The following SLC41A1 variants were observed in gnomAD, a reference collection of about 807,000 sequenced individuals.
SLC41A1 encodes solute carrier family 41 (magnesium transporter), member 1.
Under a neutral mutation model 47.3 loss-of-function variants are expected in SLC41A1, and 20 were observed. That is an observed-to-expected ratio of 0.42 (90% CI 0.30 to 0.61). The LOEUF (loss-of-function observed/expected upper bound fraction) is 0.61. SLC41A1 is among the 20% of genes least tolerant of loss of function. The pLI is 0.17. For synonymous variants in SLC41A1, 282 were observed against 272.7 expected, an observed-to-expected ratio of 1.03 and a Z score of -0.34; for missense variants, 504 against 674.1, an observed-to-expected ratio of 0.75 and a Z score of 2.79.
chr1:205,806,257 A>G (rs955408650), intron 2 of SLC41A1, among the ~76,000 whole-genome samples: 1 of 152,196 alleles, frequency 6.6e-6, no homozygotes, highest in Non-Finnish European at 1.5e-5. Context: ...GAAGCAGATA[A>G]GAGTGTCCCG....
chr1:205,801,361 G>C, intron 2 of SLC41A1: 1 of 386,654 alleles, frequency 2.6e-6, no homozygotes, highest in East Asian at 6.1e-5. Context: ...AGGGTAATGG[G>C]GACCCACACA....
At chr1:205,799,728 A>G (rs565516376) in intron 4 of SLC41A1, 31 bp downstream of exon 4, 2 of 1,612,104 alleles carry the variant, frequency 1.2e-6, no homozygotes, top group African/African-American at 1.3e-5. Flanking sequence ...GGGGAAGCTT[A>G]GCCCACCCTC....
Position 205,789,193 on chromosome 1 carries a change from CA to C in SLC41A1, c.*2339del, listed in dbSNP as rs1193349543. 12 of 152,302 alleles carry C rather than the reference CA, an allele frequency of 7.9e-5. No homozygotes were observed. Among genetic ancestry groups the C allele is most frequent in the East Asian group, 5.8e-4 (3 of 5,186 alleles). The allele number at this position is 152,302 out of a possible 1,614,324, so 9.4% of individuals were successfully genotyped here. A position where few individuals can be genotyped will look rare whatever the true frequency, so the allele number is the denominator to read the frequency against. ...AACTATAAATAATTCTCTTAAGACA[CA>C]GTTCTGTAACTTTTTAAGGATACGA... On this transcript the variant is annotated 3_prime_UTR_variant, in exon 11 of 11. Coordinates refer to ENST00000367137, the MANE Select transcript of SLC41A1 (RefSeq NM_173854.6).
At position 205,794,917 on chromosome 1, in the gene SLC41A1, G is replaced by T. The variant is rs1198966282; in HGVS notation, c.1309C>A (p.Leu437Ile). Residue 437 changes from leucine to isoleucine, a missense_variant, in exon 10 of 11, where the codon CTC becomes ATC. Physicochemically the swap from Leu to Ile is conservative, Grantham distance 5 (BLOSUM62 2). Coordinates refer to ENST00000367137, the MANE Select transcript of SLC41A1 (RefSeq NM_173854.6). The part of the protein sequence containing the change: ...ISCMQGGHTT[L>I]TLIFIIFYMT... ...TAGAAGATGATGAAGATGAGTGTGA[G>T]GGTGGTGTGCCCGCCCTGCATACAG... The T allele has an allele frequency of 6.2e-7, 1 of 1,614,090 alleles. No homozygotes were observed. Among genetic ancestry groups the T allele is most frequent in the Admixed American group, 1.7e-5 (1 of 60,020 alleles).
At chr1:205,797,111 C>G in intron 7 of SLC41A1, 108 bp from the exon 8 acceptor site, 1 of 971,736 alleles carries the variant, frequency 1.0e-6, no homozygotes, top group Non-Finnish European at 1.6e-6. Flanking sequence ...AAGGGAAGCA[C>G]CATGGCTCTC....
intron 1 of SLC41A1, among the ~76,000 whole-genome samples, chr1:205,811,875 G>A (rs1022206905): frequency 2.0e-5 from 3 of 152,210 alleles, no homozygotes; most frequent in African/African-American, 7.2e-5. Context: ...AGTTAGAAGG[G>A]ACAGAGCATA....
chr1:205,790,492 C>T lies in SLC41A1; in HGVS notation c.*1041G>A, dbSNP rs1453650321. The stretch of plus-strand genomic sequence containing the variant: ...AGCCAAGAAAGAGGAAAACTGACCT[C>T]TATGGCATGACAGAACGAGTAATTT... On this transcript the variant is annotated 3_prime_UTR_variant, in exon 11 of 11. Transcript: ENST00000367137. 1 of 152,220 alleles carries T rather than the reference C, an allele frequency of 6.6e-6. No homozygotes were observed. Among genetic ancestry groups the T allele is most frequent in the East Asian group, 1.9e-4 (1 of 5,202 alleles). 9.4% of individuals were successfully genotyped at this position (152,220 alleles called of 1,614,324 possible).
intron 2 of SLC41A1, 70 bp from the exon 3 acceptor site, chr1:205,801,130 T>C (rs568216224): frequency 6.4e-6 from 8 of 1,259,204 alleles, no homozygotes; most frequent in Non-Finnish European, 9.3e-6. Context: ...CAACAGGTAG[T>C]CTGAGATCAG....
In SLC41A1 at chr1:205,810,505, C is replaced by T. The variant is rs1167075787; in HGVS notation, c.-64G>A. On this transcript the variant is annotated 5_prime_UTR_variant, in exon 2 of 11. Transcript: ENST00000367137. The surrounding 1 kb of genome is among the most constrained non-coding windows in gnomAD (Gnocchi z 5.5). ...TTCTTTTTGCTTTCTCTCTTCTTCTCTAACTTGGGAAAGAACTTAGTCTTG... is the reference window on the plus strand; with the variant it reads ...TTCTTTTTGCTTTCTCTCTTCTTCTTTAACTTGGGAAAGAACTTAGTCTTG... 1.4e-5 allele frequency: 22 copies of T among 1,612,072 alleles called. No homozygotes were observed. The highest frequency in any genetic ancestry group is 1.8e-5 in the Non-Finnish European group (21 of 1,179,960).
In SLC41A1 at chr1:205,791,865, C is replaced by T; in HGVS notation, c.1357-147G>A. 9.7e-7 allele frequency: 1 copy of T among 1,026,084 alleles called. No homozygotes were observed. The allele number at this position is 1,026,084 out of a possible 1,614,324, so 63.6% of individuals were successfully genotyped here. A position where few individuals can be genotyped will look rare whatever the true frequency, so the allele number is the denominator to read the frequency against. On this transcript the variant is annotated intron_variant, in intron 10 of 10. Transcript: ENST00000367137. The surrounding 1 kb of genome is among the most constrained non-coding windows in gnomAD (Gnocchi z 4.0). Reference sequence around the variant, plus strand: ...ATCTTCCTCTTTCCACCCCAGCAACCTCTCTGTGTTTCTCCACCCCACAAT... The same window carrying T: ...ATCTTCCTCTTTCCACCCCAGCAACTTCTCTGTGTTTCTCCACCCCACAAT...
Position 205,793,941 on chromosome 1 carries a change from T to G in SLC41A1, c.1356+929A>C, listed in dbSNP as rs1316109810. Reference sequence around the variant, plus strand: ...AAGACTTTTCACTGAGGTTTCTCTATGAACCTTAAAACATTTTTGAACTAT... The same window carrying G: ...AAGACTTTTCACTGAGGTTTCTCTAGGAACCTTAAAACATTTTTGAACTAT... On this transcript the variant is annotated intron_variant, in intron 10 of 10. Transcript: ENST00000367137. 2.0e-5 allele frequency among the ~76,000 whole-genome samples: 3 copies of G among 152,242 alleles called. No homozygotes were observed. In the East Asian group the frequency reaches 5.8e-4, roughly 29 times the overall value.
chr1:205,803,557 T>C (rs1325385932), intron 2 of SLC41A1, among the ~76,000 whole-genome samples: 1 of 151,638 alleles, frequency 6.6e-6, no homozygotes, highest in African/African-American at 2.4e-5. Context: ...GACATTACTC[T>C]AGTCATAAAA....
At chr1:205,796,619 A>G in intron 8 of SLC41A1, 1 of 433,018 alleles carries the variant, frequency 2.3e-6, no homozygotes, top group Non-Finnish European at 4.3e-6. Context: ...TTTTCGTTAT[A>G]AATTAGCCAG....
intron 3 of SLC41A1, among the ~76,000 whole-genome samples, 191 bp from the exon 4 acceptor site, chr1:205,800,021 C>A (rs1380614942): frequency 1.3e-5 from 2 of 152,218 alleles, no homozygotes; most frequent in Admixed American, 6.5e-5. Context: ...AAGCTGGGCT[C>A]CTGCAGCTGG....
rs1655578058 is a variant in SLC41A1, at chr1:205,789,810, T to C, written c.*1723A>G. 1 of 152,148 alleles carries C rather than the reference T, an allele frequency of 6.6e-6. No homozygotes were observed. The highest frequency in any genetic ancestry group is 1.5e-5 in the Non-Finnish European group (1 of 68,026). The allele number at this position is 152,148 out of a possible 1,614,324, so 9.4% of individuals were successfully genotyped here. On this transcript the variant is annotated 3_prime_UTR_variant, in exon 11 of 11. Transcript: ENST00000367137. ...GCAGTGTTGGTAGAAACAGGATCAT[T>C]GCCTAAGCCTTCCCTTGGAGGTGGG... is the stretch of plus-strand genomic sequence containing the variant.
chr1:205,808,698 CAG>C (rs1656073202), intron 2 of SLC41A1, among the ~76,000 whole-genome samples: 1 of 152,232 alleles, frequency 6.6e-6, no homozygotes, highest in Non-Finnish European at 1.5e-5. Context: ...CCCAAAGCTC[CAG>C]GCTGGCTTCC....
intron 4 of SLC41A1, among the ~76,000 whole-genome samples, 158 bp downstream of exon 4, chr1:205,799,601 T>C (rs748088169): frequency 2.6e-5 from 4 of 152,096 alleles, no homozygotes; most frequent in Non-Finnish European, 5.9e-5. Context: ...GGCGTTTTCC[T>C]GGGTAACCTA....
Position 205,795,037 on chromosome 1 carries a change from G to A in SLC41A1, c.1208-19C>T. On this transcript the variant is annotated intron_variant, in intron 9 of 10. Coordinates refer to ENST00000367137, the MANE Select transcript of SLC41A1 (RefSeq NM_173854.6). ...TTCACATCTGGAATTGGGGAAAAGA[G>A]GGTGTAAAGAGGAGGGGAGGAGAAG... 1.2e-6 allele frequency: 2 copies of A among 1,613,196 alleles called. No homozygotes were observed. The highest frequency in any genetic ancestry group is 1.7e-5 in the Admixed American group (1 of 60,012).
chr1:205,797,915 C>T lies in SLC41A1; in HGVS notation c.981G>A (p.Met327Ile), dbSNP rs773292995. ...YSGWEPVIIA[M>I]AISSVGGLIL... The stretch of plus-strand genomic sequence containing the variant: ...GGGCCCCAGCCTACCTGCTGATGGC[C>T]ATGGCAATGATAACAGGCTCCCAGC... Residue 327 changes from methionine (M) to isoleucine (I), a missense_variant, in exon 7 of 11, where the codon ATG (methionine) becomes ATA (isoleucine). By Grantham distance (10) the Met-to-Ile change is conservative. Coordinates refer to ENST00000367137, the MANE Select transcript of SLC41A1 (RefSeq NM_173854.6). The T allele has an allele frequency of 1.2e-6, 2 of 1,614,124 alleles. No homozygotes were observed. Among genetic ancestry groups the T allele is most frequent in the African/African-American group, 1.3e-5 (1 of 75,016 alleles).
Sources: gnomAD v4.1 joint callset for allele counts (sites outside exome capture counted in the v4.1 genomes callset) on GRCh38, gnomAD v4.1.1 for gene constraint, Gnocchi (gnomAD v3.1) non-coding constraint, MANE v1.5 for transcripts, NCBI Gene and HGNC (gene_info 2026-07-23, HGNC 2026-07-21) for gene names.